CADPS2: variants seen among roughly 807,000 people sequenced by gnomAD.
CADPS2 encodes calcium dependent secretion activator 2.
Under a neutral mutation model 172.5 loss-of-function variants are expected in CADPS2, and 93 were observed. The ratio of observed to expected loss-of-function variants is 0.54; its 90% CI spans 0.46 to 0.64. The LOEUF is 0.64. Among genes scored for constraint, CADPS2 ranks in the 30% least tolerant of loss-of-function variants. The pLI is 0.00. For synonymous variants in CADPS2, 546 were observed against 555.2 expected, an observed-to-expected ratio of 0.98 and a Z score of 0.23; for missense variants, 1,420 against 1,565.9, an observed-to-expected ratio of 0.91 and a Z score of 1.57.
chr7:122,645,321 A>G (rs1192749300), intron 3 of CADPS2, among the ~76,000 whole-genome samples: 1 of 121,656 alleles, frequency 8.2e-6, no homozygotes, highest in Non-Finnish European at 1.9e-5. Flanking sequence ...GTGTGTATAC[A>G]TGTACATATA....
intron 2 of CADPS2, among the ~76,000 whole-genome samples, chr7:122,678,520 GA>G (rs1332897178): frequency 2.0e-5 from 3 of 152,188 alleles, no homozygotes; most frequent in Admixed American, 2.0e-4. Flanking sequence ...AAGGGTTTAG[GA>G]AATGGGGAAT....
intron 9 of CADPS2, among the ~76,000 whole-genome samples, chr7:122,492,781 C>T (rs1018152015): frequency 6.6e-6 from 1 of 152,004 alleles, no homozygotes; most frequent in African/African-American, 2.4e-5. Flanking sequence ...CTCATTGCAG[C>T]CTCCACCTTT....
At chr7:122,631,539 T>C (rs2076575212) in intron 3 of CADPS2, among the ~76,000 whole-genome samples, 1 of 152,094 alleles carries the variant, frequency 6.6e-6, no homozygotes, top group Non-Finnish European at 1.5e-5. Context: ...TCTGCCTTCC[T>C]AAGTGCTGGA....
intron 14 of CADPS2, among the ~76,000 whole-genome samples, chr7:122,470,687 G>A (rs2055811892): frequency 6.6e-6 from 1 of 151,936 alleles, no homozygotes; most frequent in South Asian, 2.1e-4. Flanking sequence ...ATAGAGATGA[G>A]GTTTCACTCA....
intron 1 of CADPS2, among the ~76,000 whole-genome samples, chr7:122,742,821 G>C (rs887396141): frequency 6.6e-6 from 1 of 152,084 alleles, no homozygotes; most frequent in Non-Finnish European, 1.5e-5. Flanking sequence ...AGCTCTCTTA[G>C]CTTTGTTATA....
At chr7:122,790,791 T>C (rs1173476724) in intron 1 of CADPS2, among the ~76,000 whole-genome samples, 3 of 152,180 alleles carry the variant, frequency 2.0e-5, no homozygotes, top group African/African-American at 4.8e-5. Context: ...TTCTGCCTAA[T>C]TGATCTACCA....
chr7:122,635,933 T>C (rs955156180), intron 3 of CADPS2, among the ~76,000 whole-genome samples: 1 of 152,204 alleles, frequency 6.6e-6, no homozygotes, highest in Non-Finnish European at 1.5e-5. Flanking sequence ...TCCCACATTT[T>C]TTTTTGTTTT....
At chr7:122,882,855 C>T (rs1823305449) in intron 1 of CADPS2, among the ~76,000 whole-genome samples, 5 of 152,228 alleles carry the variant, frequency 3.3e-5, no homozygotes, top group Admixed American at 3.3e-4. Flanking sequence ...TCACTACTGA[C>T]ATCACTTTCA....
In CADPS2 at chr7:122,548,192, A is replaced by AC. The variant is rs1370577159; in HGVS notation, c.1475+6357dup. On this transcript the variant is annotated intron_variant, in intron 8 of 29. Coordinates refer to ENST00000449022, the MANE Select transcript of CADPS2 (RefSeq NM_017954.11). ...AGAACAGCCTGGGCAATATAGGGAG[A>AC]CCCCATCTCTATAAAAATTTTTTTA... is the stretch of plus-strand genomic sequence containing the variant. 4.0e-5 allele frequency among the ~76,000 whole-genome samples: 6 copies of AC among 151,702 alleles called. No homozygotes were observed. The East Asian group carries it at 5.8e-4, about 15-fold the overall frequency.
intron 7 of CADPS2, among the ~76,000 whole-genome samples, chr7:122,555,775 A>G (rs2064961927): frequency 1.3e-5 from 2 of 152,088 alleles, no homozygotes; most frequent in Non-Finnish European, 2.9e-5. Flanking sequence ...GTCTTTACCA[A>G]TTTAATAAGG....
intron 6 of CADPS2, among the ~76,000 whole-genome samples, chr7:122,597,721 T>C (rs2072068912): frequency 6.6e-6 from 1 of 152,130 alleles, no homozygotes; most frequent in African/African-American, 2.4e-5. Context: ...AGAGTTTACC[T>C]TCAATTTCCC....
chr7:122,629,426 A>G (rs1296690653), intron 3 of CADPS2, 98 bp from the exon 4 acceptor site: 1 of 703,524 alleles, frequency 1.4e-6, no homozygotes, highest in Non-Finnish European at 2.2e-6. Context: ...CAAAGATTAA[A>G]TGACTGAAAA....
intron 7 of CADPS2, among the ~76,000 whole-genome samples, chr7:122,575,350 T>A (rs1414522308): frequency 6.6e-6 from 1 of 152,060 alleles, no homozygotes; most frequent in Non-Finnish European, 1.5e-5. Flanking sequence ...CACATATTTC[T>A]GAATCAATAT....
intron 2 of CADPS2, chr7:122,702,724 C>G (rs147362816): frequency 6.2e-7 from 1 of 1,608,442 alleles, no homozygotes. Flanking sequence ...AACTATGCGT[C>G]GAAGGGGTAA....
chr7:122,453,059 TCA>T (rs1164021761), intron 14 of CADPS2, among the ~76,000 whole-genome samples: 3 of 152,302 alleles, frequency 2.0e-5, no homozygotes, highest in Non-Finnish European at 4.4e-5. Context: ...AATTTTTACT[TCA>T]GAGACTCATG....
rs375715669 is a variant in CADPS2 at position 122,320,028 on chromosome 7, C to T, written c.*137G>A. 2.0e-5 allele frequency: 18 copies of T among 878,886 alleles called. No individual in the cohort carries two copies. The African/African-American group carries it at 2.1e-4, about 10-fold the overall frequency. The allele number at this position is 878,886 out of a possible 1,614,324, so 54.4% of individuals were successfully genotyped here. A position where few individuals can be genotyped will look rare whatever the true frequency, so the allele number is the denominator to read the frequency against. Reference sequence around the variant, plus strand: ...GGCATTTCCCCTTTTACTCTACATTCAGGCTTACTTTTTAAAGAAATACAA... The same window carrying T: ...GGCATTTCCCCTTTTACTCTACATTTAGGCTTACTTTTTAAAGAAATACAA... On this transcript the variant is annotated 3_prime_UTR_variant, in exon 30 of 30. Transcript: ENST00000449022.
intron 13 of CADPS2, 81 bp from the exon 14 acceptor site, chr7:122,471,643 T>C: frequency 8.8e-7 from 1 of 1,139,584 alleles, no homozygotes; most frequent in African/African-American, 1.6e-5. Context: ...CTTTTAGGCC[T>C]TATAAGCAGA....
chr7:122,533,853 T>C (rs147801982), intron 8 of CADPS2, among the ~76,000 whole-genome samples: 70 of 152,274 alleles, frequency 4.6e-4, no homozygotes, highest in Non-Finnish European at 9.0e-4. Context: ...TCCATATGCA[T>C]AAAAGACAGA....
intron 2 of CADPS2, among the ~76,000 whole-genome samples, chr7:122,686,641 G>A (rs1021840327): frequency 9.2e-5 from 14 of 152,310 alleles, no homozygotes; most frequent in African/African-American, 2.9e-4. Context: ...AGTGAATGCA[G>A]GTGGTCTGAT....
Sources: gnomAD v4.1 joint callset for allele counts (sites outside exome capture counted in the v4.1 genomes callset) on GRCh38, gnomAD v4.1.1 for gene constraint, MANE v1.5 for transcripts, NCBI Gene and HGNC (gene_info 2026-07-23, HGNC 2026-07-21) for gene names.